CA10: variants seen among roughly 807,000 people sequenced by gnomAD.
The protein encoded by CA10 is carbonic anhydrase 10 (inactive).
In CA10, 14 loss-of-function variants were observed where a neutral mutation model predicts 44.2. The observed-to-expected ratio is 0.32, with a 90% CI of 0.21 to 0.50. CA10 has a LOEUF of 0.50. Ranked by LOEUF, CA10 falls within the 20% of genes least tolerant of loss-of-function variation. The pLI is 0.99. For missense variants in CA10, 350 were observed against 409.7 expected, an observed-to-expected ratio of 0.85 and a Z score of 1.26; for synonymous variants, 159 against 141.6, an observed-to-expected ratio of 1.12 and a Z score of -0.87.
chr17:51,823,195 CA>C, intron 3 of CA10, among the ~76,000 whole-genome samples: 1 of 152,156 alleles, frequency 6.6e-6, no homozygotes, highest in East Asian at 1.9e-4. Flanking sequence ...TGCTGAAAGC[CA>C]ACAGCCAGGA....
At chr17:52,011,127 G>A (rs565284294) in intron 2 of CA10, among the ~76,000 whole-genome samples, 1 of 152,046 alleles carries the variant, frequency 6.6e-6, no homozygotes, top group Non-Finnish European at 1.5e-5. Context: ...TGGATTTGAA[G>A]AATGTTTGTT....
At chr17:51,774,929 A>G (rs1386258991) in intron 3 of CA10, among the ~76,000 whole-genome samples, 1 of 152,176 alleles carries the variant, frequency 6.6e-6, no homozygotes, top group Non-Finnish European at 1.5e-5. Flanking sequence ...AGCACTTATA[A>G]GTACCCCAAT....
intron 2 of CA10, among the ~76,000 whole-genome samples, chr17:52,047,619 G>A (rs1378465986): frequency 6.6e-6 from 1 of 151,922 alleles, no homozygotes; most frequent in Non-Finnish European, 1.5e-5. Context: ...AATAGAAAAT[G>A]TAGAAATGTA....
At chr17:52,087,980 C>G (rs1327238192) in intron 1 of CA10, among the ~76,000 whole-genome samples, 1 of 152,054 alleles carries the variant, frequency 6.6e-6, no homozygotes, top group Non-Finnish European at 1.5e-5. Flanking sequence ...GTCATAGGAC[C>G]AGAACACCAA....
intron 3 of CA10, among the ~76,000 whole-genome samples, chr17:51,854,419 T>C (rs568395283): frequency 3.9e-5 from 6 of 152,318 alleles, no homozygotes; most frequent in African/African-American, 1.4e-4. Context: ...TGCATGTCCA[T>C]GCAATTTGTA....
chr17:51,907,316 T>C (rs1323635254), intron 3 of CA10, among the ~76,000 whole-genome samples: 1 of 152,098 alleles, frequency 6.6e-6, no homozygotes, highest in African/African-American at 2.4e-5. Flanking sequence ...TTGGCTCAAA[T>C]GTTGGCCATT....
At chr17:51,985,595 A>G (rs1270778647) in intron 2 of CA10, among the ~76,000 whole-genome samples, 3 of 151,906 alleles carry the variant, frequency 2.0e-5, no homozygotes, top group African/African-American at 4.8e-5. Flanking sequence ...TGATATGATT[A>G]TATACCTAGA....
chr17:51,827,583 T>C (rs917000798), intron 3 of CA10, among the ~76,000 whole-genome samples: 1 of 152,244 alleles, frequency 6.6e-6, no homozygotes, highest in Non-Finnish European at 1.5e-5. Context: ...TTTTACTAGC[T>C]AACAGCATAC....
At position 52,154,953 on chromosome 17, in the gene CA10, G is replaced by A. The variant is rs61336651; in HGVS notation, c.61+2773C>T. ...TAGGCCCAAGGAGAAATTTGGGGGT[G>A]GGTTAGAGGAAGTGTTGGAACCTTT... On this transcript the variant is annotated intron_variant, in intron 1 of 8. Coordinates refer to ENST00000451037, the MANE Select transcript of CA10 (RefSeq NM_020178.5). Among the ~76,000 whole-genome samples, 253 of 152,284 alleles carry A rather than the reference G, an allele frequency of 1.7e-3. 5 individuals are homozygous for A. In the East Asian group the frequency reaches 0.046, roughly 28 times the overall value.
At chr17:51,971,370 G>C (rs1474590697) in intron 2 of CA10, among the ~76,000 whole-genome samples, 1 of 152,066 alleles carries the variant, frequency 6.6e-6, no homozygotes, top group African/African-American at 2.4e-5. Flanking sequence ...AATACTTAGT[G>C]AGATTTTGTT....
At chr17:52,114,684 T>C (rs1050260947) in intron 1 of CA10, among the ~76,000 whole-genome samples, 2 of 152,232 alleles carry the variant, frequency 1.3e-5, no homozygotes, top group South Asian at 2.1e-4. Context: ...AATGGAGCTA[T>C]AACAAGTTGG....
intron 2 of CA10, among the ~76,000 whole-genome samples, chr17:52,049,389 C>A (rs771973146): frequency 6.6e-6 from 1 of 152,042 alleles, no homozygotes; most frequent in Non-Finnish European, 1.5e-5. Context: ...CATAATAATT[C>A]CTTTATGTGA....
intron 2 of CA10, among the ~76,000 whole-genome samples, chr17:52,048,791 G>A (rs952860123): frequency 3.3e-5 from 5 of 151,984 alleles, no homozygotes; most frequent in African/African-American, 4.8e-5. Flanking sequence ...TGTGACTGAT[G>A]AGCTTAGAAG....
intron 3 of CA10, among the ~76,000 whole-genome samples, chr17:51,887,902 T>C (rs2143902454): frequency 6.6e-6 from 1 of 151,048 alleles, no homozygotes; most frequent in Non-Finnish European, 1.5e-5. Flanking sequence ...GGCAGGTGCC[T>C]GTAATCCCAG....
intron 1 of CA10, among the ~76,000 whole-genome samples, chr17:52,127,179 C>G (rs1989137026): frequency 6.6e-6 from 1 of 152,120 alleles, no homozygotes. Flanking sequence ...TAATCACAAA[C>G]ATATATATGG....
intron 3 of CA10, among the ~76,000 whole-genome samples, chr17:51,833,978 G>T (rs1237338876): frequency 1.3e-5 from 2 of 152,212 alleles, no homozygotes; most frequent in African/African-American, 4.8e-5. Context: ...AATAGTCATG[G>T]TACGACCATG....
chr17:51,936,859 G>A (rs990544451), intron 2 of CA10, among the ~76,000 whole-genome samples: 1 of 152,082 alleles, frequency 6.6e-6, no homozygotes, highest in Non-Finnish European at 1.5e-5. Flanking sequence ...TGGGGACATA[G>A]GTTTTTAAGT....
chr17:51,973,332 T>C (rs4794313), intron 2 of CA10, among the ~76,000 whole-genome samples: 56,439 of 152,004 alleles, frequency 0.37, 12,790 homozygotes, highest in East Asian at 0.8. Flanking sequence ...AGGAAACACA[T>C]TGGACTACAG....
chr17:51,905,949 G>C (rs898048780), intron 3 of CA10, among the ~76,000 whole-genome samples: 5 of 152,050 alleles, frequency 3.3e-5, no homozygotes, highest in African/African-American at 1.2e-4. Context: ...TGTCCCTCCA[G>C]TTATGGGGGT....
Sources: allele counts gnomAD v4.1 joint callset (sites outside exome capture counted in the v4.1 genomes callset), GRCh38; gene constraint gnomAD v4.1.1; transcripts MANE v1.5; gene names NCBI Gene and HGNC (gene_info 2026-07-23, HGNC 2026-07-21).